EBF2: variants seen among roughly 807,000 people sequenced by gnomAD.
The protein encoded by EBF2 is EBF transcription factor 2.
Under a neutral mutation model 72.8 loss-of-function variants are expected in EBF2, and 21 were observed. That is an observed-to-expected ratio of 0.29 (90% CI 0.20 to 0.42). EBF2 has a LOEUF of 0.42. Among genes scored for constraint, EBF2 ranks in the 10% least tolerant of loss-of-function variants. The probability of loss-of-function intolerance (pLI) is 1.00; values close to 1 mark genes in which losing one functional copy is unlikely to be tolerated. For synonymous variants in EBF2, 299 were observed against 274.2 expected (o/e 1.09, Z -0.89); for missense variants, 637 against 731.2 (o/e 0.87, Z 1.49).
chr8:25,884,641 G>A (rs777564473), intron 10 of EBF2, among the ~76,000 whole-genome samples: 8 of 152,180 alleles, frequency 5.3e-5, no homozygotes, highest in Non-Finnish European at 1.0e-4. Context: ...CGTGAGCTTA[G>A]AGCTGTGCCA....
rs180891482 is a variant in EBF2, at chr8:26,030,178, C to T, written c.551+2907G>A. 4.6e-5 allele frequency among the ~76,000 whole-genome samples: 7 copies of T among 152,256 alleles called. No homozygotes were observed. In the East Asian group the frequency reaches 9.7e-4, roughly 21 times the overall value. On this transcript the variant is annotated intron_variant, in intron 6 of 15. Coordinates refer to ENST00000520164, the MANE Select transcript of EBF2 (RefSeq NM_022659.4). ...GAAGGCAAGAAGGCTAAGGTAAACC[C>T]GAAAGACATTCAGGAGCGATGAGAC... is the stretch of plus-strand genomic sequence containing the variant.
intron 4 of EBF2, 36 bp downstream of exon 4, chr8:26,040,580 G>C (rs1805582831): frequency 6.5e-7 from 1 of 1,547,158 alleles, no homozygotes; most frequent in Middle Eastern, 1.7e-4. Flanking sequence ...CGGGGTCAGA[G>C]ACAGGCGAAG....
chr8:26,042,373 C>G, intron 1 of EBF2, 122 bp from the exon 2 acceptor site: 1 of 1,235,238 alleles, frequency 8.1e-7, no homozygotes, highest in South Asian at 1.7e-5. Flanking sequence ...GAGTTCTGAA[C>G]CCTTCGGGCC....
At chr8:25,914,688 C>A (rs1206571408) in intron 6 of EBF2, among the ~76,000 whole-genome samples, 1 of 152,204 alleles carries the variant, frequency 6.6e-6, no homozygotes, top group Admixed American at 6.5e-5. Context: ...GGAAAGATGA[C>A]TTAATAGTTT....
chr8:26,003,358 CAG>C (rs1394559088), intron 6 of EBF2, among the ~76,000 whole-genome samples: 3 of 152,158 alleles, frequency 2.0e-5, no homozygotes, highest in Non-Finnish European at 4.4e-5. Context: ...TTCTGTGAGC[CAG>C]AGTTTTCGAA....
chr8:25,990,777 A>C (rs905243443), intron 6 of EBF2, among the ~76,000 whole-genome samples: 2 of 152,208 alleles, frequency 1.3e-5, no homozygotes, highest in Non-Finnish European at 2.9e-5. Context: ...GTTTGAGCCA[A>C]CTCAGTACCT....
At chr8:25,865,652 C>T (rs1185611878) in intron 10 of EBF2, among the ~76,000 whole-genome samples, 1 of 151,742 alleles carries the variant, frequency 6.6e-6, no homozygotes, top group Non-Finnish European at 1.5e-5. Flanking sequence ...GTCTCAAACT[C>T]CTAGGCTCAA....
At chr8:25,956,213 G>A (rs922768345) in intron 6 of EBF2, among the ~76,000 whole-genome samples, 1 of 152,078 alleles carries the variant, frequency 6.6e-6, no homozygotes, top group East Asian at 1.9e-4. Flanking sequence ...GAGGTCGGGA[G>A]TTCGAGACCA....
chr8:25,967,663 T>A (rs1354570446), intron 6 of EBF2, among the ~76,000 whole-genome samples: 1 of 152,164 alleles, frequency 6.6e-6, no homozygotes, highest in African/African-American at 2.4e-5. Context: ...TAAATCTATG[T>A]GTGTTGGGGG....
rs1411916965 is a variant in EBF2 at position 25,850,668 on chromosome 8, G to C, written c.1622C>G (p.Ala541Gly). ...TTGGGGCCTGATGACAGGGGCAAAG[G>C]CACTCTTCTGTTTGACAGCAGGAAA... ...SVFPAVKQKS[A>G]FAPVIRPQGS... The change falls in exon 15 of 16, where the codon GCC becomes GGC. Residue 541 changes from alanine to glycine, a missense_variant. Ala to Gly is a moderately conservative substitution (Grantham distance 60). Coordinates refer to ENST00000520164, the MANE Select transcript of EBF2 (RefSeq NM_022659.4). 6.4e-7 allele frequency: 1 copy of C among 1,562,252 alleles called. No individual in the cohort carries two copies. Among genetic ancestry groups the C allele is most frequent in the Non-Finnish European group, 8.6e-7 (1 of 1,162,714 alleles).
At chr8:26,036,361 C>T (rs1474972249) in intron 5 of EBF2, among the ~76,000 whole-genome samples, 1 of 152,148 alleles carries the variant, frequency 6.6e-6, no homozygotes, top group Non-Finnish European at 1.5e-5. Flanking sequence ...CATTTTCCAA[C>T]AGTAACATAT....
chr8:26,042,885 T>C (rs1268870057), intron 1 of EBF2, among the ~76,000 whole-genome samples: 1 of 152,104 alleles, frequency 6.6e-6, no homozygotes, highest in Non-Finnish European at 1.5e-5. Context: ...TTCCGAAAAG[T>C]TGTGCCTGGG....
chr8:25,886,193 G>A (rs1482966805), intron 10 of EBF2, among the ~76,000 whole-genome samples: 1 of 152,150 alleles, frequency 6.6e-6, no homozygotes, highest in Non-Finnish European at 1.5e-5. Context: ...GAATTCACCA[G>A]TTGTTCTTTG....
intron 6 of EBF2, among the ~76,000 whole-genome samples, chr8:25,941,365 C>G (rs1489922636): frequency 6.6e-5 from 10 of 152,112 alleles, no homozygotes; most frequent in Non-Finnish European, 1.5e-4. Flanking sequence ...GCCACCATGC[C>G]TGGCTAATTT....
intron 10 of EBF2, among the ~76,000 whole-genome samples, chr8:25,878,828 T>C (rs1333873650): frequency 6.6e-6 from 1 of 152,124 alleles, no homozygotes; most frequent in Non-Finnish European, 1.5e-5. Context: ...CCTCCCCTCC[T>C]CACTCCGACT....
intron 6 of EBF2, among the ~76,000 whole-genome samples, chr8:25,972,887 TG>T (rs1158169911): frequency 2.0e-5 from 3 of 148,636 alleles, no homozygotes; most frequent in Admixed American, 1.3e-4. Flanking sequence ...TTTTTTTTTT[TG>T]AAAATCACCT....
intron 7 of EBF2, among the ~76,000 whole-genome samples, chr8:25,898,659 A>G (rs1250551516): frequency 6.6e-6 from 1 of 152,198 alleles, no homozygotes; most frequent in Non-Finnish European, 1.5e-5. Flanking sequence ...TTTACTAGCA[A>G]AAGTTTTGAG....
At chr8:25,977,579 G>C (rs1353634616) in intron 6 of EBF2, among the ~76,000 whole-genome samples, 2 of 152,188 alleles carry the variant, frequency 1.3e-5, no homozygotes, top group Non-Finnish European at 2.9e-5. Flanking sequence ...AGAAGAGAAA[G>C]AAAGGAAGTC....
chr8:26,001,089 G>A (rs376982485), intron 6 of EBF2, among the ~76,000 whole-genome samples: 1 of 152,174 alleles, frequency 6.6e-6, no homozygotes. Context: ...TACCTAAAAA[G>A]ATGTGCTAAA....
Sources: allele counts gnomAD v4.1 joint callset (sites outside exome capture counted in the v4.1 genomes callset), GRCh38; gene constraint gnomAD v4.1.1; transcripts MANE v1.5; gene names NCBI Gene and HGNC (gene_info 2026-07-23, HGNC 2026-07-21).